The following PCLO variants were observed in gnomAD, a reference collection of about 807,000 sequenced individuals.
PCLO encodes piccolo presynaptic cytomatrix protein.
In PCLO, 82 loss-of-function variants were observed where a neutral mutation model predicts 427.5. That is an observed-to-expected ratio of 0.19 (90% CI 0.16 to 0.23). PCLO has a LOEUF of 0.23. PCLO is among the 10% of genes least tolerant of loss of function. The pLI is 1.00. For synonymous variants in PCLO, 2,357 were observed against 2,155.4 expected, an observed-to-expected ratio of 1.09 and a Z score of -2.59; for missense variants, 6,239 against 6,115.9, an observed-to-expected ratio of 1.02 and a Z score of -0.67.
chr7:82,815,228 G>A (rs768935813), intron 20 of PCLO, among the ~76,000 whole-genome samples: 2 of 151,928 alleles, frequency 1.3e-5, no homozygotes, highest in Non-Finnish European at 2.9e-5. Flanking sequence ...ATGTTATTGT[G>A]CACAGAAACC....
chr7:83,135,617 C>G lies in PCLO; in HGVS notation c.1933G>C (p.Ala645Pro). The G allele has an allele frequency of 6.2e-7, 1 of 1,610,040 alleles. No individual in the cohort carries two copies. Among genetic ancestry groups the G allele is most frequent in the Non-Finnish European group, 8.5e-7 (1 of 1,177,988 alleles). ...WLCLNCQMKR[A>P]LGGDLAPVPS... ...ACTGGAGCCAGATCCCCGCCTAGAG[C>G]TCTTTTCATTTGACAGTTCAAACAG... is the stretch of plus-strand genomic sequence containing the variant. Residue 645 changes from alanine to proline, a missense_variant, in exon 3 of 25, where the codon GCT (alanine) becomes CCT (proline). Ala to Pro is a conservative substitution (Grantham distance 27, BLOSUM62 -1). Around this residue, in one of 5 missense-constraint regions of PCLO, gnomAD observed 4,677 missense variants for 4,468.4 expected, o/e 1.05. Transcript: ENST00000333891.
chr7:82,777,000 T>C (rs1176362903), intron 22 of PCLO, among the ~76,000 whole-genome samples: 3 of 151,984 alleles, frequency 2.0e-5, no homozygotes, highest in East Asian at 1.9e-4. Flanking sequence ...AGTTGTTAAT[T>C]TGAGATATTC....
At chr7:82,921,402 C>T (rs1794592714) in intron 6 of PCLO, among the ~76,000 whole-genome samples, 1 of 151,614 alleles carries the variant, frequency 6.6e-6, no homozygotes, top group African/African-American at 2.4e-5. Flanking sequence ...CAGACACATA[C>T]AACAATGGAA....
chr7:82,866,695 CA>C (rs1793103013), intron 10 of PCLO, among the ~76,000 whole-genome samples: 4 of 149,188 alleles, frequency 2.7e-5, no homozygotes, highest in African/African-American at 7.5e-5. Flanking sequence ...CACACACACA[CA>C]CCCCTTTAAT....
intron 3 of PCLO, among the ~76,000 whole-genome samples, chr7:83,124,432 A>T (rs2116575784): frequency 6.6e-6 from 1 of 152,250 alleles, no homozygotes; most frequent in South Asian, 2.1e-4. Context: ...ATCATTAGTT[A>T]TCAGAGAAAT....
rs1328115968 is a variant in PCLO at position 82,950,495 on chromosome 7, T to C, written c.10093A>G (p.Ile3365Val). 1 of 1,613,642 alleles carries C rather than the reference T, an allele frequency of 6.2e-7. No individual in the cohort carries two copies. Among genetic ancestry groups the C allele is most frequent in the Non-Finnish European group, 8.5e-7 (1 of 1,179,826 alleles). Residue 3365 changes from isoleucine (I) to valine (V), a missense_variant, in exon 6 of 25, where the codon ATT (isoleucine) becomes GTT (valine). This residue lies in a region of PCLO where 4,677 missense variants were observed against 4,468.4 expected (regional missense o/e 1.05). Coordinates refer to ENST00000333891, the MANE Select transcript of PCLO (RefSeq NM_033026.6). ...CATCCTTGGCTTTGTGGTATTTCAA[T>C]TGCCACAACAGCTGAAGCTGTGGTG... ...ATTTASAVVA[I>V]EIPQSQGWYT...
intron 22 of PCLO, among the ~76,000 whole-genome samples, chr7:82,778,960 C>T (rs1268971610): frequency 6.6e-6 from 1 of 151,920 alleles, no homozygotes; most frequent in Non-Finnish European, 1.5e-5. Context: ...TTAGGGTCAC[C>T]TCTCAAAATT....
At chr7:82,878,884 A>G (rs1310182694) in intron 10 of PCLO, among the ~76,000 whole-genome samples, 1 of 152,178 alleles carries the variant, frequency 6.6e-6, no homozygotes, top group African/African-American at 2.4e-5. Flanking sequence ...ACTGTGTTCC[A>G]ATAAAACAGT....
chr7:82,896,130 ATAGT>A (rs1232284572), intron 9 of PCLO, among the ~76,000 whole-genome samples: 2 of 151,922 alleles, frequency 1.3e-5, no homozygotes, highest in African/African-American at 4.8e-5. Flanking sequence ...AGTTTCTTAA[ATAGT>A]TAGACGGAAA....
intron 22 of PCLO, 47 bp from the exon 23 acceptor site, chr7:82,761,540 T>C: frequency 7.0e-7 from 1 of 1,422,076 alleles, no homozygotes; most frequent in East Asian, 2.3e-5. Context: ...ATGCCATATA[T>C]GAAATGTTTA....
In PCLO at chr7:82,952,799, ATCT is replaced by A; in HGVS notation, c.8151_8153del (p.Glu2717del). ...CATCACCAACAAGTTGCAATTTTCC[ATCT>A]TCTTTATACTGAGGCTTCTCTAAAT... On this transcript the variant is annotated inframe_deletion, in exon 5 of 25. Transcript: ENST00000333891. 2 of 1,613,656 alleles carry A rather than the reference ATCT, an allele frequency of 1.2e-6. No homozygotes were observed. Among genetic ancestry groups the A allele is most frequent in the Non-Finnish European group, 1.7e-6 (2 of 1,179,752 alleles).
At chr7:82,830,062 C>T (rs1792054912) in intron 16 of PCLO, among the ~76,000 whole-genome samples, 2 of 151,422 alleles carry the variant, frequency 1.3e-5, no homozygotes, top group African/African-American at 4.8e-5. Context: ...ATATTAATAT[C>T]GTAAGAAAAC....
At chr7:82,834,325 G>A (rs1792171975) in intron 16 of PCLO, among the ~76,000 whole-genome samples, 1 of 152,112 alleles carries the variant, frequency 6.6e-6, no homozygotes, top group Admixed American at 6.6e-5. Context: ...CCTGGATTGT[G>A]TTCTGTGATG....
chr7:83,150,332 T>G (rs1426057305), intron 2 of PCLO, among the ~76,000 whole-genome samples: 1 of 152,196 alleles, frequency 6.6e-6, no homozygotes, highest in Non-Finnish European at 1.5e-5. Context: ...CAAGAAGAGA[T>G]ACAGCTATAC....
intron 10 of PCLO, among the ~76,000 whole-genome samples, chr7:82,878,348 T>A (rs370177827): frequency 5.9e-5 from 9 of 152,196 alleles, no homozygotes; most frequent in African/African-American, 2.2e-4. Context: ...ATTTTTAGCA[T>A]GATTAAAGTT....
intron 3 of PCLO, among the ~76,000 whole-genome samples, chr7:83,074,187 TACATTTAC>T (rs1789890688): frequency 6.6e-6 from 1 of 151,940 alleles, no homozygotes; most frequent in African/African-American, 2.4e-5. Context: ...ATGTGTGAAA[TACATTTAC>T]TATTTTTTAT....
At chr7:82,995,833 G>C (rs570201723) in intron 3 of PCLO, among the ~76,000 whole-genome samples, 12 of 151,814 alleles carry the variant, frequency 7.9e-5, no homozygotes, top group Admixed American at 2.6e-4. Flanking sequence ...TCCATGCACG[G>C]TATATAGTAA....
chr7:82,814,618 C>T (rs536000855), intron 20 of PCLO, among the ~76,000 whole-genome samples: 4 of 151,490 alleles, frequency 2.6e-5, no homozygotes, highest in African/African-American at 9.7e-5. Context: ...TAGGTTATAT[C>T]TACTGATATT....
At chr7:83,032,603 A>G (rs1788699783) in intron 3 of PCLO, among the ~76,000 whole-genome samples, 1 of 151,974 alleles carries the variant, frequency 6.6e-6, no homozygotes, top group African/African-American at 2.4e-5. Flanking sequence ...AATGCCAGAT[A>G]GAATGTTTTT....
Sources: allele counts gnomAD v4.1 joint callset (sites outside exome capture counted in the v4.1 genomes callset), GRCh38; gene constraint gnomAD v4.1.1; regional missense constraint gnomAD v4.1.1; transcripts MANE v1.5; gene names NCBI Gene and HGNC (gene_info 2026-07-23, HGNC 2026-07-21).